Variants in PDCD6IP observed in about 807,000 individuals in gnomAD.
PDCD6IP encodes the protein programmed cell death 6 interacting protein.
PDCD6IP carries 43 observed loss-of-function variants against 103.7 expected under a neutral mutation model. That is an observed-to-expected ratio of 0.41 (90% CI 0.32 to 0.53). PDCD6IP has a LOEUF of 0.53. Ranked by LOEUF, PDCD6IP falls within the 20% of genes least tolerant of loss-of-function variation. The pLI is 0.16. For missense variants in PDCD6IP, 871 were observed against 1,036.7 expected, an observed-to-expected ratio of 0.84 and a Z score of 2.20; for synonymous variants, 354 against 378.7, an observed-to-expected ratio of 0.93 and a Z score of 0.76.
chr3:33,865,426 C>G lies in PDCD6IP; in HGVS notation c.2428C>G (p.Pro810Ala). ...GPPYPTYPGY[P>A]GYCQMPMPMG... ...ACCCTATCCCACCTATCCAGGATAT[C>G]CTGGGTAAGGCTGCAACATTGTGTA... is the stretch of plus-strand genomic sequence containing the variant. Residue 810 changes from proline to alanine, a missense_variant, in exon 17 of 18, where the codon CCT (proline) becomes GCT (alanine). Coordinates refer to ENST00000307296, the MANE Select transcript of PDCD6IP (RefSeq NM_013374.6). The G allele has an allele frequency of 6.3e-7, 1 of 1,585,086 alleles. No homozygotes were observed. Among genetic ancestry groups the G allele is most frequent in the East Asian group, 2.4e-5 (1 of 41,894 alleles).
intron 3 of PDCD6IP, among the ~76,000 whole-genome samples, chr3:33,815,086 A>G (rs1359994468): frequency 2.0e-5 from 3 of 148,946 alleles, no homozygotes; most frequent in African/African-American, 7.3e-5. Flanking sequence ...GTATGTGCAT[A>G]CCATATACAT....
chr3:33,805,785 C>T (rs1348475997), intron 1 of PDCD6IP, among the ~76,000 whole-genome samples: 5 of 151,480 alleles, frequency 3.3e-5, no homozygotes, highest in African/African-American at 1.2e-4. Context: ...CACTCGGTCG[C>T]CCAGGCTAGA....
intron 1 of PDCD6IP, chr3:33,799,508 A>G (rs2125537814): frequency 6.6e-6 from 1 of 152,616 alleles, no homozygotes; most frequent in Admixed American, 6.5e-5. Context: ...ATTTGAAATA[A>G]AACTCTAGTT....
chr3:33,848,037 CTG>C (rs1236369875), intron 12 of PDCD6IP, among the ~76,000 whole-genome samples: 1 of 151,998 alleles, frequency 6.6e-6, no homozygotes, highest in Non-Finnish European at 1.5e-5. Flanking sequence ...TTGTTTAAAA[CTG>C]TGTGCCCTCC....
At chr3:33,836,645 C>T (rs1341050297) in intron 8 of PDCD6IP, among the ~76,000 whole-genome samples, 1 of 149,624 alleles carries the variant, frequency 6.7e-6, no homozygotes, top group Non-Finnish European at 1.5e-5. Flanking sequence ...TGCTTGAGCT[C>T]AGGAGTTAGA....
chr3:33,856,762 A>G (rs1421062477), intron 15 of PDCD6IP, among the ~76,000 whole-genome samples: 3 of 152,170 alleles, frequency 2.0e-5, no homozygotes, highest in East Asian at 1.9e-4. Flanking sequence ...GGTGAAAAAA[A>G]TTAGGCTGGC....
chr3:33,832,137 A>G (rs968228790), intron 7 of PDCD6IP, among the ~76,000 whole-genome samples: 2 of 152,190 alleles, frequency 1.3e-5, no homozygotes, highest in Admixed American at 6.5e-5. Flanking sequence ...ATTTTCTGAT[A>G]GTTCTGGAGC....
chr3:33,823,747 A>G (rs1005688945), intron 4 of PDCD6IP, among the ~76,000 whole-genome samples: 3 of 152,198 alleles, frequency 2.0e-5, no homozygotes, highest in African/African-American at 7.2e-5. Flanking sequence ...GTGCCATTGC[A>G]CTCTAGTCTG....
At chr3:33,816,957 G>T (rs1405050815) in intron 3 of PDCD6IP, among the ~76,000 whole-genome samples, 1 of 152,158 alleles carries the variant, frequency 6.6e-6, no homozygotes, top group Non-Finnish European at 1.5e-5. Context: ...ACAGGAGGTG[G>T]TTCATCAAGG....
Position 33,854,028 on chromosome 3 carries a change from CA to C in PDCD6IP, c.2025+19del. On this transcript the variant is annotated intron_variant, in intron 14 of 17. Transcript: ENST00000307296. ...AAGGCACAAAGGTATGAAGTACATG[CA>C]AAAGGAACCATAGCTAGCAAGTACA... 2.6e-6 allele frequency: 4 copies of C among 1,558,526 alleles called. No individual in the cohort carries two copies. The highest frequency in any genetic ancestry group is 3.4e-6 in the Non-Finnish European group (4 of 1,161,294).
At chr3:33,827,452 A>G (rs1205057184) in intron 6 of PDCD6IP, 3 of 152,884 alleles carry the variant, frequency 2.0e-5, no homozygotes, top group Admixed American at 6.5e-5. Context: ...AAGTGCATTA[A>G]CAGTACTTAT....
chr3:33,799,830 G>A (rs1696428815), intron 1 of PDCD6IP, among the ~76,000 whole-genome samples: 1 of 152,056 alleles, frequency 6.6e-6, no homozygotes, highest in African/African-American at 2.4e-5. Context: ...GCTAAGAAAA[G>A]ACTTATTCTG....
At chr3:33,836,931 T>C (rs1159446252) in intron 8 of PDCD6IP, among the ~76,000 whole-genome samples, 1 of 151,802 alleles carries the variant, frequency 6.6e-6, no homozygotes, top group Non-Finnish European at 1.5e-5. Flanking sequence ...TTCTTTTCTT[T>C]TTTTTTTGAG....
Position 33,845,592 on chromosome 3 carries a change from A to G in PDCD6IP, c.1641+4A>G. 1 of 1,592,828 alleles carries G rather than the reference A, an allele frequency of 6.3e-7. No individual in the cohort carries two copies. The highest frequency in any genetic ancestry group is 8.6e-7 in the Non-Finnish European group (1 of 1,166,010). On this transcript the variant is annotated splice_donor_region_variant and intron_variant, in intron 12 of 17. Coordinates refer to ENST00000307296, the MANE Select transcript of PDCD6IP (RefSeq NM_013374.6). ...AAAGACCATGCAGGGCAGTGAGGTAAGAAGGACACTTTGATGTAGGTTGTC... is the reference window on the plus strand; with the variant it reads ...AAAGACCATGCAGGGCAGTGAGGTAGGAAGGACACTTTGATGTAGGTTGTC...
chr3:33,869,038 C>T lies in PDCD6IP; in HGVS notation c.*2513C>T, dbSNP rs1698128829. 6.6e-6 allele frequency: 1 copy of T among 152,170 alleles called. No homozygotes were observed. Among genetic ancestry groups the T allele is most frequent in the South Asian group, 2.1e-4 (1 of 4,826 alleles). The allele number at this position is 152,170 out of a possible 1,614,324, so 9.4% of individuals were successfully genotyped here. ...AGCTTGTTTGCAATTTATAAACCTC[C>T]CCTTCAAAACTAAGGAGTTGCAGAA... On this transcript the variant is annotated 3_prime_UTR_variant, in exon 18 of 18. Transcript: ENST00000307296.
intron 1 of PDCD6IP, among the ~76,000 whole-genome samples, chr3:33,803,910 A>G (rs1696534908): frequency 6.6e-6 from 1 of 151,202 alleles, no homozygotes; most frequent in Non-Finnish European, 1.5e-5. Context: ...CTCAGTCTGT[A>G]TTGGTTGCAT....
intron 16 of PDCD6IP, among the ~76,000 whole-genome samples, chr3:33,864,381 A>G (rs1031858829): frequency 1.5e-4 from 23 of 152,234 alleles, no homozygotes; most frequent in African/African-American, 5.5e-4. Context: ...TGATAAAATA[A>G]GAAGTTAAAT....
At chr3:33,812,981 G>A (rs1696751721) in intron 2 of PDCD6IP, among the ~76,000 whole-genome samples, 1 of 151,934 alleles carries the variant, frequency 6.6e-6, no homozygotes, top group Non-Finnish European at 1.5e-5. Flanking sequence ...TCTAATCTTT[G>A]TATGTGATAA....
intron 12 of PDCD6IP, among the ~76,000 whole-genome samples, chr3:33,851,251 A>G (rs1368843548): frequency 6.6e-6 from 1 of 151,276 alleles, no homozygotes; most frequent in South Asian, 2.1e-4. Context: ...TCTTTCCCCC[A>G]GTTTTCTTTC....
Sources: gnomAD v4.1 joint callset for allele counts (sites outside exome capture counted in the v4.1 genomes callset) on GRCh38, gnomAD v4.1.1 for gene constraint, MANE v1.5 for transcripts, NCBI Gene and HGNC (gene_info 2026-07-23, HGNC 2026-07-21) for gene names.